PHACTR2: variants seen among roughly 807,000 people sequenced by gnomAD.
The protein encoded by PHACTR2 is phosphatase and actin regulator 2, also known as chromosome 6 open reading frame 56.
A neutral mutation model predicts 76.0 loss-of-function variants in PHACTR2; 30 were observed. That is an observed-to-expected ratio of 0.39 (90% CI 0.30 to 0.54). The LOEUF (loss-of-function observed/expected upper bound fraction) is 0.54. PHACTR2 is among the 20% of genes least tolerant of loss of function. The probability of loss-of-function intolerance (pLI) is 0.61; values close to 1 mark genes in which losing one functional copy is unlikely to be tolerated. For synonymous variants in PHACTR2, 292 were observed against 292.5 expected (o/e 1.00, Z 0.02); for missense variants, 696 against 781.1 (o/e 0.89, Z 1.30).
Position 143,708,348 on chromosome 6 carries a change from CTG to C in PHACTR2, c.47-3666_47-3665del, listed in dbSNP as rs372946067. On this transcript the variant is annotated intron_variant, in intron 1 of 12. Coordinates refer to ENST00000440869, the MANE Select transcript of PHACTR2 (RefSeq NM_001100164.2). The surrounding 1 kb of genome is among the most constrained non-coding windows in gnomAD (Gnocchi z 5.5). ...GTCTCTACATTTGATTAGCTAATGA[CTG>C]TATTTCAAAATATGCTGTGTTTTAA... 6.6e-6 allele frequency among the ~76,000 whole-genome samples: 1 copy of C among 152,276 alleles called. No homozygotes were observed. The highest frequency in any genetic ancestry group is 1.5e-5 in the Non-Finnish European group (1 of 68,030).
intron 1 of PHACTR2, among the ~76,000 whole-genome samples, chr6:143,564,235 ATG>A (rs71024860): frequency 0.056 from 4,858 of 87,076 alleles, 483 homozygotes; most frequent in Middle Eastern, 0.071. Flanking sequence ...ATATATATAT[ATG>A]TATGCCACTG....
rs1781147818 is a variant in PHACTR2, at chr6:143,539,048, A to C, written c.217+1841A>C. Among the ~76,000 whole-genome samples, 1 of 152,256 alleles carries C rather than the reference A, an allele frequency of 6.6e-6. No homozygotes were observed. Among genetic ancestry groups the C allele is most frequent in the Non-Finnish European group, 1.5e-5 (1 of 68,046 alleles). ...GAGAATTCACCTAGTTGGTGATTGT[A>C]GACAAAGTATAGCTTGCATCGCCAT... On this transcript the variant is annotated intron_variant, in intron 1 of 11. Transcript: ENST00000367584. The surrounding 1 kb of genome is among the most constrained non-coding windows in gnomAD (Gnocchi z 4.3).
intron 1 of PHACTR2, among the ~76,000 whole-genome samples, chr6:143,703,362 C>T (rs551366784): frequency 1.5e-4 from 23 of 151,830 alleles, no homozygotes; most frequent in Non-Finnish European, 1.8e-4. Context: ...CTGTATGCCT[C>T]GAAAAAATCT....
rs1376766745 is a variant in PHACTR2, at chr6:143,621,045, G to A, written c.13+12723G>A. Reference sequence around the variant, plus strand: ...TGCAGGGCATATACTTATATGGCAGGTGGGCAGCAGATGGGGGACAGTGCA... The same window carrying A: ...TGCAGGGCATATACTTATATGGCAGATGGGCAGCAGATGGGGGACAGTGCA... On this transcript the variant is annotated intron_variant, in intron 1 of 11. Coordinates refer to the PHACTR2 transcript ENST00000305766. The surrounding 1 kb of genome is among the most constrained non-coding windows in gnomAD (Gnocchi z 4.1). 6.6e-6 allele frequency among the ~76,000 whole-genome samples: 1 copy of A among 152,210 alleles called. No individual in the cohort carries two copies. Among genetic ancestry groups the A allele is most frequent in the African/African-American group, 2.4e-5 (1 of 41,448 alleles).
chr6:143,768,832 A>T (rs1475009465), intron 6 of PHACTR2, among the ~76,000 whole-genome samples: 1 of 152,168 alleles, frequency 6.6e-6, no homozygotes, highest in Non-Finnish European at 1.5e-5. Flanking sequence ...AGAAGAGGCC[A>T]TAGGGATTTT....
At chr6:143,628,329 C>T (rs1776295824) in intron 1 of PHACTR2, among the ~76,000 whole-genome samples, 1 of 152,188 alleles carries the variant, frequency 6.6e-6, no homozygotes, top group African/African-American at 2.4e-5. Flanking sequence ...TGACTGAAGG[C>T]AGCATATATT....
At position 143,616,590 on chromosome 6, in the gene PHACTR2, G is replaced by A. The variant is rs999671902; in HGVS notation, c.13+8268G>A. ...TTCCTGGTCACCCACTCTGTGCCAC[G>A]CAATGTCCTAGTTAGTGTGGATATG... On this transcript the variant is annotated intron_variant, in intron 1 of 11. Coordinates refer to the PHACTR2 transcript ENST00000305766. The surrounding 1 kb of genome is among the most constrained non-coding windows in gnomAD (Gnocchi z 4.9). Among the ~76,000 whole-genome samples, 9 of 152,098 alleles carry A rather than the reference G, an allele frequency of 5.9e-5. No homozygotes were observed. The highest frequency in any genetic ancestry group is 9.7e-5 in the African/African-American group (4 of 41,396).
At chr6:143,582,013 C>A (rs1775580612) in intron 1 of PHACTR2, among the ~76,000 whole-genome samples, 1 of 152,128 alleles carries the variant, frequency 6.6e-6, no homozygotes, top group African/African-American at 2.4e-5. Context: ...AAAGGCTGTA[C>A]CGTCAATATG....
rs1746573145 is a variant in PHACTR2, at chr6:143,633,799, G to T, written c.13+25477G>T. ...GTACTTTATATTTAGATCCATAATC[G>T]ATTTTGATATTTTATAAAGGTCTCT... is the stretch of plus-strand genomic sequence containing the variant. On this transcript the variant is annotated intron_variant, in intron 1 of 11. Transcript: ENST00000305766. The surrounding 1 kb of genome is among the most constrained non-coding windows in gnomAD (Gnocchi z 4.1). 6.6e-6 allele frequency among the ~76,000 whole-genome samples: 1 copy of T among 151,972 alleles called. No individual in the cohort carries two copies. Among genetic ancestry groups the T allele is most frequent in the African/African-American group, 2.4e-5 (1 of 41,392 alleles).
At chr6:143,606,785 T>A (rs3811094), upstream of PHACTR2, among the ~76,000 whole-genome samples, 71,922 of 151,952 alleles carry the variant, frequency 0.47, 17,622 homozygotes, top group Non-Finnish European at 0.54. Flanking sequence ...GCAAATTTTT[T>A]AAAAATATAT....
At chr6:143,692,426 T>G (rs1258737155) in intron 1 of PHACTR2, among the ~76,000 whole-genome samples, 3 of 152,228 alleles carry the variant, frequency 2.0e-5, no homozygotes, top group Non-Finnish European at 2.9e-5. Context: ...CTGCGCTGTT[T>G]CATTTTCCTA....
chr6:143,597,906 C>T lies in PHACTR2; in HGVS notation c.217+60699C>T, dbSNP rs939196972. Reference sequence around the variant, plus strand: ...GGTGCCCTTCCTGATGCTCCTCCTACCACCTGCCATATTTTCTACCTGTTA... The same window carrying T: ...GGTGCCCTTCCTGATGCTCCTCCTATCACCTGCCATATTTTCTACCTGTTA... On this transcript the variant is annotated intron_variant, in intron 1 of 11. Transcript: ENST00000367584. This position sits in a 1 kb window ranked among gnomAD's most constrained non-coding sequence, Gnocchi z 5.7. Among the ~76,000 whole-genome samples, 3 of 152,178 alleles carry T rather than the reference C, an allele frequency of 2.0e-5. No individual in the cohort carries two copies. The highest frequency in any genetic ancestry group is 4.4e-5 in the Non-Finnish European group (3 of 68,034).
At chr6:143,576,458 G>T (rs1338336818) in intron 1 of PHACTR2, among the ~76,000 whole-genome samples, 1 of 152,202 alleles carries the variant, frequency 6.6e-6, no homozygotes, top group Non-Finnish European at 1.5e-5. Context: ...TTTACTTTAA[G>T]CATAGTGTTC....
intron 1 of PHACTR2, among the ~76,000 whole-genome samples, chr6:143,705,477 G>A (rs188588063): frequency 6.6e-6 from 1 of 151,988 alleles, no homozygotes. Flanking sequence ...TGTATTTTTA[G>A]TAGAGATGGG....
intron 6 of PHACTR2, among the ~76,000 whole-genome samples, chr6:143,768,394 A>G (rs968051956): frequency 6.6e-6 from 1 of 152,214 alleles, no homozygotes; most frequent in African/African-American, 2.4e-5. Flanking sequence ...AGCTTTTACC[A>G]AAATATTGTC....
intron 1 of PHACTR2, among the ~76,000 whole-genome samples, chr6:143,701,591 C>T (rs1297190997): frequency 6.6e-6 from 1 of 152,138 alleles, no homozygotes; most frequent in African/African-American, 2.4e-5. Flanking sequence ...CACTCCCACC[C>T]ACTACCCTCC....
intron 1 of PHACTR2, among the ~76,000 whole-genome samples, chr6:143,563,162 G>C (rs1775305870): frequency 6.6e-6 from 1 of 152,030 alleles, no homozygotes; most frequent in Non-Finnish European, 1.5e-5. Context: ...GCAACAAGAA[G>C]GGAAGAAACA....
chr6:143,642,407 C>T (rs1224780742), intron 1 of PHACTR2, among the ~76,000 whole-genome samples: 1 of 152,184 alleles, frequency 6.6e-6, no homozygotes, highest in Admixed American at 6.5e-5. Context: ...AAATAAACAC[C>T]TCATTGTGTC....
Position 143,782,237 on chromosome 6 carries a change from T to C in PHACTR2, c.1646-982T>C, listed in dbSNP as rs755485876. ...CGAGAATCCGTTTCAAAAAATAAAA[T>C]AAAAATAAAAATAAATAAACAAATA... On this transcript the variant is annotated intron_variant, in intron 9 of 12. Coordinates refer to ENST00000440869, the MANE Select transcript of PHACTR2 (RefSeq NM_001100164.2). This position sits in a 1 kb window ranked among gnomAD's most constrained non-coding sequence, Gnocchi z 4.6. Among the ~76,000 whole-genome samples the C allele has an allele frequency of 6.6e-6, 1 of 152,066 alleles. No individual in the cohort carries two copies. Among genetic ancestry groups the C allele is most frequent in the African/African-American group, 2.4e-5 (1 of 41,418 alleles).
Sources: gnomAD v4.1 joint callset for allele counts (sites outside exome capture counted in the v4.1 genomes callset) on GRCh38, gnomAD v4.1.1 for gene constraint, Gnocchi (gnomAD v3.1) non-coding constraint, MANE v1.5 for transcripts, NCBI Gene and HGNC (gene_info 2026-07-23, HGNC 2026-07-21) for gene names.